Variants in KCNAB1 observed in about 807,000 individuals in gnomAD.
The protein encoded by KCNAB1 is potassium voltage-gated channel subfamily A regulatory beta subunit 1, also known as voltage-gated potassium channel subunit beta-1.
Under a neutral mutation model 64.6 loss-of-function variants are expected in KCNAB1, and 35 were observed. The observed-to-expected ratio is 0.54, with a 90% CI of 0.41 to 0.72. The LOEUF is 0.72. KCNAB1 is among the 30% of genes least tolerant of loss of function. KCNAB1 has a pLI of 0.00. For missense variants in KCNAB1, 401 were observed against 512.9 expected (o/e 0.78, Z 2.11); for synonymous variants, 177 against 183.8 (o/e 0.96, Z 0.30).
chr3:156,121,490 G>A (rs554989524), intron 1 of KCNAB1, among the ~76,000 whole-genome samples: 1 of 152,252 alleles, frequency 6.6e-6, no homozygotes, highest in South Asian at 2.1e-4. Flanking sequence ...TTTTCTTTCT[G>A]TTCTTTACTC....
At chr3:156,357,453 A>G (rs947955052) in intron 1 of KCNAB1, among the ~76,000 whole-genome samples, 1 of 152,204 alleles carries the variant, frequency 6.6e-6, no homozygotes, top group Non-Finnish European at 1.5e-5. Flanking sequence ...TAATGACTGC[A>G]TGACATGTAC....
chr3:156,282,420 T>C (rs1719783023), intron 1 of KCNAB1, among the ~76,000 whole-genome samples: 1 of 147,126 alleles, frequency 6.8e-6, no homozygotes, highest in African/African-American at 2.5e-5. Flanking sequence ...TGTGGTGTGG[T>C]GCTGAAAAAA....
At chr3:156,120,539 G>C, upstream of KCNAB1, 1 of 1,558,168 alleles carries the variant, frequency 6.4e-7, no homozygotes, top group Non-Finnish European at 8.8e-7. Context: ...GAGGGAGGGA[G>C]GCAGAAGCAG....
chr3:156,514,503 A>G, intron 9 of KCNAB1, 54 bp downstream of exon 9: 1 of 1,317,268 alleles, frequency 7.6e-7, no homozygotes, highest in Non-Finnish European at 1.1e-6. Context: ...ATTGCTTTTC[A>G]GATGCCATGC....
At chr3:156,399,709 C>T (rs1576818452) in intron 1 of KCNAB1, among the ~76,000 whole-genome samples, 1 of 152,156 alleles carries the variant, frequency 6.6e-6, no homozygotes, top group Admixed American at 6.5e-5. Context: ...GGAAGCCATT[C>T]TTGATGAACT....
chr3:156,218,464 C>T (rs910590218), intron 1 of KCNAB1, among the ~76,000 whole-genome samples: 2 of 152,158 alleles, frequency 1.3e-5, no homozygotes, highest in Non-Finnish European at 2.9e-5. Context: ...TAGCCCTGCC[C>T]ACTGCCTGAG....
intron 1 of KCNAB1, among the ~76,000 whole-genome samples, chr3:156,156,512 T>C (rs773149818): frequency 5.9e-5 from 9 of 152,156 alleles, no homozygotes; most frequent in Non-Finnish European, 1.3e-4. Flanking sequence ...AGAATGGAAA[T>C]GGTGAGAAGT....
chr3:156,143,262 TA>T (rs1714812467), intron 1 of KCNAB1: 1 of 1,613,932 alleles, frequency 6.2e-7, no homozygotes, highest in Non-Finnish European at 8.5e-7. Flanking sequence ...CTCTAAAATG[TA>T]GATGGCACCT....
intron 1 of KCNAB1, among the ~76,000 whole-genome samples, chr3:156,262,252 A>G (rs1204871221): frequency 1.3e-5 from 2 of 151,942 alleles, no homozygotes; most frequent in African/African-American, 4.8e-5. Flanking sequence ...AAGAAGTGGC[A>G]AAGTGGCATT....
At chr3:156,354,164 A>G (rs1335871562) in intron 1 of KCNAB1, among the ~76,000 whole-genome samples, 1 of 147,496 alleles carries the variant, frequency 6.8e-6, no homozygotes, top group Non-Finnish European at 1.5e-5. Flanking sequence ...ATATATGTAT[A>G]TATTTTTTTT....
intron 1 of KCNAB1, among the ~76,000 whole-genome samples, chr3:156,345,451 G>A (rs1191935751): frequency 1.3e-5 from 2 of 152,314 alleles, no homozygotes; most frequent in East Asian, 3.9e-4. Flanking sequence ...TTGTATTATG[G>A]CCTACAAAGC....
chr3:156,176,197 G>A (rs1712360812), intron 1 of KCNAB1: 2 of 777,200 alleles, frequency 2.6e-6, no homozygotes, highest in Non-Finnish European at 4.8e-6. Flanking sequence ...AGAACTTAAG[G>A]TCAGGCCAGT....
chr3:156,485,485 C>T lies in KCNAB1; in HGVS notation c.658+10665C>T, dbSNP rs543474304. 2.0e-5 allele frequency among the ~76,000 whole-genome samples: 3 copies of T among 152,068 alleles called. No individual in the cohort carries two copies. In the East Asian group the frequency reaches 5.8e-4, roughly 29 times the overall value. On this transcript the variant is annotated intron_variant, in intron 8 of 13. Transcript: ENST00000490337. ...ATCATCATACTCAAGAATATTCAAG[C>T]CATATTCAAATTTTCTAAAATGTCC... is the stretch of plus-strand genomic sequence containing the variant.
At chr3:156,286,338 A>G (rs980252157) in intron 1 of KCNAB1, among the ~76,000 whole-genome samples, 9 of 152,222 alleles carry the variant, frequency 5.9e-5, no homozygotes, top group African/African-American at 1.9e-4. Flanking sequence ...ATCACAAATG[A>G]TAGGCACAAA....
At chr3:156,283,227 C>T (rs1232513903) in intron 1 of KCNAB1, among the ~76,000 whole-genome samples, 42 of 149,786 alleles carry the variant, frequency 2.8e-4, no homozygotes, top group Non-Finnish European at 4.2e-4. Context: ...ACTTATGAAG[C>T]TTAGTTTGGC....
rs115625012 is a variant in KCNAB1, at chr3:156,248,157, G to T, written c.275+127271G>T. Among the ~76,000 whole-genome samples the T allele has an allele frequency of 9.6e-3, 1,459 of 152,232 alleles. 25 individuals carry two copies. The highest frequency in any genetic ancestry group is 0.034 in the African/African-American group (1,392 of 41,526). ...AACAAATTGCACTATTTGTTAAGTT[G>T]TAATCAATGCACCAATGAAACTATA... On this transcript the variant is annotated intron_variant, in intron 1 of 13. Transcript: ENST00000490337.
chr3:156,199,360 G>T (rs1007645508), intron 1 of KCNAB1, among the ~76,000 whole-genome samples: 2 of 152,056 alleles, frequency 1.3e-5, no homozygotes, highest in African/African-American at 4.8e-5. Context: ...TTGAATGTTG[G>T]TCACCTTGCT....
intron 1 of KCNAB1, among the ~76,000 whole-genome samples, chr3:156,362,086 T>C (rs929141323): frequency 6.6e-6 from 1 of 152,246 alleles, no homozygotes; most frequent in African/African-American, 2.4e-5. Context: ...AGAGCTTATA[T>C]CTGTATCTAT....
intron 1 of KCNAB1, chr3:156,292,033 G>A (rs781537516): frequency 4.3e-6 from 7 of 1,613,980 alleles, no homozygotes; most frequent in East Asian, 2.2e-5. Flanking sequence ...AATTCCGCAC[G>A]GTCGCTATCA....
Sources: allele counts gnomAD v4.1 joint callset (sites outside exome capture counted in the v4.1 genomes callset), GRCh38; gene constraint gnomAD v4.1.1; transcripts MANE v1.5; gene names NCBI Gene and HGNC (gene_info 2026-07-23, HGNC 2026-07-21).